Variants in MSRA observed in about 807,000 individuals in gnomAD.
The protein encoded by MSRA is mitochondrial peptide methionine sulfoxide reductase.
A neutral mutation model predicts 31.3 loss-of-function variants in MSRA; 54 were observed. That is an observed-to-expected ratio of 1.73 (90% CI 1.39 to 2.17). The LOEUF (loss-of-function observed/expected upper bound fraction) is 2.17. MSRA is among the 30% of genes most tolerant of loss of function. The pLI is 0.00. For synonymous variants in MSRA, 169 were observed against 116.5 expected (o/e 1.45, Z -2.90); for missense variants, 507 against 300.9 (o/e 1.69, Z -5.07).
chr8:10,334,166 GT>G (rs1226389540), intron 5 of MSRA, among the ~76,000 whole-genome samples: 12 of 103,350 alleles, frequency 1.2e-4, no homozygotes, highest in Non-Finnish European at 2.2e-5. Context: ...ACATATAGGG[GT>G]GTGTGTGTGT....
intron 1 of MSRA, among the ~76,000 whole-genome samples, chr8:10,182,921 C>T (rs905566091): frequency 6.6e-6 from 1 of 152,206 alleles, no homozygotes; most frequent in South Asian, 2.1e-4. Flanking sequence ...GTGTATCCAG[C>T]TGAAATCCTG....
chr8:10,395,699 C>T (rs938221695), intron 5 of MSRA, among the ~76,000 whole-genome samples: 2 of 152,176 alleles, frequency 1.3e-5, no homozygotes, highest in Non-Finnish European at 2.9e-5. Context: ...CATCCATTGA[C>T]CCTGGGTTCA....
At chr8:10,088,210 G>A (rs1405841756) in intron 1 of MSRA, among the ~76,000 whole-genome samples, 1 of 152,146 alleles carries the variant, frequency 6.6e-6, no homozygotes, top group Non-Finnish European at 1.5e-5. Flanking sequence ...CACCAACTAC[G>A]GGAACCCTAG....
chr8:10,362,640 C>G (rs920281266), intron 5 of MSRA, among the ~76,000 whole-genome samples: 1 of 152,008 alleles, frequency 6.6e-6, no homozygotes, highest in Admixed American at 6.5e-5. Flanking sequence ...CAGGGAGACC[C>G]GTTGTCCCTG....
intron 4 of MSRA, among the ~76,000 whole-genome samples, chr8:10,303,186 G>A (rs1800940344): frequency 6.6e-6 from 1 of 152,250 alleles, no homozygotes; most frequent in Non-Finnish European, 1.5e-5. Context: ...GGTCGGGTCT[G>A]TGTCCTTTAA....
chr8:10,136,209 G>A (rs777188987), intron 1 of MSRA, among the ~76,000 whole-genome samples: 2 of 152,192 alleles, frequency 1.3e-5, no homozygotes, highest in Non-Finnish European at 2.9e-5. Context: ...GGAGCTCTGC[G>A]GTGCAGAGAG....
chr8:10,149,048 C>T (rs1402890516), intron 1 of MSRA, among the ~76,000 whole-genome samples: 2 of 151,522 alleles, frequency 1.3e-5, no homozygotes, highest in Admixed American at 6.6e-5. Flanking sequence ...CTCTGCCTCC[C>T]AGGTTCCAGT....
At chr8:10,346,611 G>GA (rs1437470618) in intron 5 of MSRA, among the ~76,000 whole-genome samples, 3 of 152,226 alleles carry the variant, frequency 2.0e-5, no homozygotes, top group African/African-American at 7.2e-5. Context: ...CTCCAGAGTG[G>GA]AAAAGAGGGA....
intron 1 of MSRA, among the ~76,000 whole-genome samples, chr8:10,085,146 T>C (rs1239936431): frequency 6.6e-6 from 1 of 152,210 alleles, no homozygotes; most frequent in Non-Finnish European, 1.5e-5. Flanking sequence ...AGGTCTTAGC[T>C]AGCCTGGGGC....
chr8:10,222,682 G>C (rs1313246192), intron 2 of MSRA, among the ~76,000 whole-genome samples: 3 of 152,154 alleles, frequency 2.0e-5, no homozygotes, highest in Non-Finnish European at 4.4e-5. Flanking sequence ...CCTGTCGTTG[G>C]CAACAGTATT....
intron 1 of MSRA, among the ~76,000 whole-genome samples, chr8:10,120,217 G>A (rs1801006387): frequency 6.6e-6 from 1 of 152,196 alleles, no homozygotes; most frequent in African/African-American, 2.4e-5. Context: ...CCTGCAGAAA[G>A]ACTGATTAGG....
At chr8:10,217,658 T>A (rs1810113224) in intron 2 of MSRA, among the ~76,000 whole-genome samples, 1 of 152,102 alleles carries the variant, frequency 6.6e-6, no homozygotes, top group Non-Finnish European at 1.5e-5. Context: ...CTCCCCCTCT[T>A]CTATCCTAGC....
intron 1 of MSRA, among the ~76,000 whole-genome samples, chr8:10,145,227 T>TG (rs1803040849): frequency 6.6e-6 from 1 of 152,180 alleles, no homozygotes; most frequent in East Asian, 1.9e-4. Flanking sequence ...ACCTGTTCTA[T>TG]GTGGGGATCA....
chr8:10,076,944 G>C (rs1798022680), intron 1 of MSRA, among the ~76,000 whole-genome samples: 1 of 151,622 alleles, frequency 6.6e-6, no homozygotes, highest in African/African-American at 2.4e-5. Flanking sequence ...TGCCTGCTGG[G>C]CTTAATACGT....
intron 2 of MSRA, among the ~76,000 whole-genome samples, chr8:10,220,616 C>T (rs1051211873): frequency 1.3e-5 from 2 of 152,064 alleles, no homozygotes; most frequent in African/African-American, 4.8e-5. Flanking sequence ...ATGTGATGAC[C>T]CTTTTCCAGT....
At chr8:10,076,283 A>G (rs814410) in intron 1 of MSRA, among the ~76,000 whole-genome samples, 152,329 of 152,348 alleles carry the variant, frequency 1, 76,155 homozygotes, top group Non-Finnish European at 1. Flanking sequence ...GTACTGTCAT[A>G]CTGTTGCCCT....
intron 1 of MSRA, among the ~76,000 whole-genome samples, chr8:10,133,689 G>C (rs1283852985): frequency 6.6e-6 from 1 of 152,188 alleles, no homozygotes; most frequent in Non-Finnish European, 1.5e-5. Flanking sequence ...AAAGTACTAA[G>C]CATGTGGCCT....
At position 10,289,502 on chromosome 8, in the gene MSRA, C is replaced by CT. The variant is rs1165869179; in HGVS notation, c.332-12029dup. 3.3e-5 allele frequency among the ~76,000 whole-genome samples: 5 copies of CT among 152,076 alleles called. No homozygotes were observed. The East Asian group carries it at 9.6e-4, about 29-fold the overall frequency. On this transcript the variant is annotated intron_variant, in intron 3 of 5. Coordinates refer to ENST00000317173, the MANE Select transcript of MSRA (RefSeq NM_012331.5). ...GTCTGCATCCCCTCGAGCATTTATC[C>CT]TTTGTGTTACAGACAATCCATTTAT... is the stretch of plus-strand genomic sequence containing the variant.
intron 1 of MSRA, among the ~76,000 whole-genome samples, chr8:10,143,933 C>A (rs186744866): frequency 3.3e-5 from 5 of 152,250 alleles, no homozygotes; most frequent in Middle Eastern, 3.4e-3. Flanking sequence ...TATAGGAAGT[C>A]CGTGTCAAGA....
Sources: gnomAD v4.1 joint callset for allele counts (sites outside exome capture counted in the v4.1 genomes callset) on GRCh38, gnomAD v4.1.1 for gene constraint, MANE v1.5 for transcripts, NCBI Gene and HGNC (gene_info 2026-07-23, HGNC 2026-07-21) for gene names.